The following NARS2 variants were observed in gnomAD, a reference collection of about 807,000 sequenced individuals.
NARS2 encodes the protein asparaginyl-tRNA synthetase 2, mitochondrial.
NARS2 carries 60 observed loss-of-function variants against 62.9 expected under a neutral mutation model. The observed-to-expected ratio is 0.95, with a 90% CI of 0.77 to 1.18. The LOEUF is 1.18. NARS2 is among the 50% of genes most tolerant of loss of function. NARS2 has a pLI of 0.00. For synonymous variants in NARS2, 196 were observed against 200.0 expected, an observed-to-expected ratio of 0.98 and a Z score of 0.17; for missense variants, 619 against 576.4, an observed-to-expected ratio of 1.07 and a Z score of -0.76.
chr11:78,485,148 C>T (rs747626890), intron 7 of NARS2, among the ~76,000 whole-genome samples: 7 of 152,194 alleles, frequency 4.6e-5, no homozygotes, highest in Non-Finnish European at 1.0e-4. Context: ...GAAAACCAAA[C>T]ACTGCGTGTT....
intron 11 of NARS2, among the ~76,000 whole-genome samples, chr11:78,446,184 C>G (rs1857754030): frequency 6.6e-6 from 1 of 152,194 alleles, no homozygotes; most frequent in Non-Finnish European, 1.5e-5. Context: ...AAGCCATCCC[C>G]TTCCCAGTTT....
At chr11:78,548,142 G>A (rs781081425) in intron 5 of NARS2, among the ~76,000 whole-genome samples, 1 of 152,172 alleles carries the variant, frequency 6.6e-6, no homozygotes, top group Non-Finnish European at 1.5e-5. Flanking sequence ...TTGAGCCCAG[G>A]AGTTGGACGT....
At chr11:78,504,608 A>G (rs1860419146) in intron 6 of NARS2, among the ~76,000 whole-genome samples, 1 of 152,062 alleles carries the variant, frequency 6.6e-6, no homozygotes, top group Admixed American at 6.5e-5. Flanking sequence ...TTTATTGGCA[A>G]TTTTTTCTAA....
At chr11:78,517,703 C>G (rs1038543914) in intron 6 of NARS2, among the ~76,000 whole-genome samples, 4 of 152,182 alleles carry the variant, frequency 2.6e-5, no homozygotes, top group African/African-American at 9.6e-5. Flanking sequence ...TCTATTTTAA[C>G]CCAGGGAAGC....
chr11:78,451,296 T>C (rs1857962368), intron 11 of NARS2, among the ~76,000 whole-genome samples: 1 of 152,222 alleles, frequency 6.6e-6, no homozygotes, highest in Admixed American at 6.5e-5. Context: ...AAATTCCAGG[T>C]AGAATTCTTC....
chr11:78,574,501 C>G lies in NARS2; in HGVS notation c.-13G>C. ...GGACCCCCAGCATCCCGCGTCCGCC[C>G]AGGCCCTCCGCGGGAGCAGCCCAGA... On this transcript the variant is annotated 5_prime_UTR_variant, in exon 1 of 14. Coordinates refer to ENST00000281038, the MANE Select transcript of NARS2 (RefSeq NM_024678.6). The G allele has an allele frequency of 6.2e-7, 1 of 1,602,826 alleles. No homozygotes were observed.
intron 5 of NARS2, among the ~76,000 whole-genome samples, chr11:78,529,761 A>G (rs982479948): frequency 6.6e-6 from 1 of 152,214 alleles, no homozygotes. Flanking sequence ...TCTGGGATCA[A>G]GAAATCCTCC....
At chr11:78,534,865 C>T (rs1223287966) in intron 5 of NARS2, among the ~76,000 whole-genome samples, 1 of 152,162 alleles carries the variant, frequency 6.6e-6, no homozygotes, top group African/African-American at 2.4e-5. Context: ...TGGAAAAAAA[C>T]CTCCATTTGT....
intron 9 of NARS2, among the ~76,000 whole-genome samples, chr11:78,471,689 C>T (rs1205324584): frequency 2.9e-4 from 35 of 121,156 alleles, no homozygotes; most frequent in African/African-American, 1.0e-3. Context: ...CCCCCCTCCC[C>T]CCACCCCACC....
intron 5 of NARS2, among the ~76,000 whole-genome samples, chr11:78,547,725 T>C (rs539764160): frequency 6.6e-6 from 1 of 152,346 alleles, no homozygotes; most frequent in East Asian, 1.9e-4. Flanking sequence ...CATCATTATG[T>C]TATTTATGAA....
chr11:78,509,051 GT>G (rs1860614982), intron 6 of NARS2, among the ~76,000 whole-genome samples: 1 of 151,252 alleles, frequency 6.6e-6, no homozygotes, highest in African/African-American at 2.4e-5. Flanking sequence ...GGAGGTGGAG[GT>G]TGCAGTGAGC....
chr11:78,473,673 A>G (rs1468599175), intron 9 of NARS2, among the ~76,000 whole-genome samples: 3 of 152,268 alleles, frequency 2.0e-5, no homozygotes, highest in African/African-American at 4.8e-5. Flanking sequence ...CAAATTCTCA[A>G]TGAAGACTAT....
At chr11:78,470,720 A>G (rs1858833568) in intron 9 of NARS2, among the ~76,000 whole-genome samples, 1 of 152,156 alleles carries the variant, frequency 6.6e-6, no homozygotes, top group South Asian at 2.1e-4. Context: ...GATTTTTCAC[A>G]TGCAAAAGTG....
At chr11:78,526,855 G>A (rs780148419) in intron 6 of NARS2, among the ~76,000 whole-genome samples, 14 of 152,080 alleles carry the variant, frequency 9.2e-5, no homozygotes, top group Admixed American at 2.0e-4. Flanking sequence ...AATACTAAAA[G>A]GCTGTTAAGA....
At chr11:78,450,427 A>G (rs987597999) in intron 11 of NARS2, among the ~76,000 whole-genome samples, 10 of 152,144 alleles carry the variant, frequency 6.6e-5, no homozygotes, top group African/African-American at 2.4e-4. Flanking sequence ...GGAGGAACAC[A>G]TATCATCTTT....
intron 10 of NARS2, among the ~76,000 whole-genome samples, chr11:78,468,034 G>C (rs1397223376): frequency 2.3e-5 from 3 of 127,726 alleles, no homozygotes; most frequent in Non-Finnish European, 3.2e-5. Flanking sequence ...TATCAAGTAA[G>C]TATTGAAAAA....
chr11:78,526,370 T>C (rs1861293969), intron 6 of NARS2, among the ~76,000 whole-genome samples: 1 of 152,164 alleles, frequency 6.6e-6, no homozygotes, highest in Admixed American at 6.5e-5. Flanking sequence ...TTAACTACCA[T>C]TTTCTCCATT....
At chr11:78,514,323 T>C (rs1001914512) in intron 6 of NARS2, among the ~76,000 whole-genome samples, 2 of 152,136 alleles carry the variant, frequency 1.3e-5, no homozygotes, top group Non-Finnish European at 2.9e-5. Context: ...GGTTTTGCCA[T>C]GTTGCCCAGG....
chr11:78,542,938 C>A (rs1855683865), intron 5 of NARS2, among the ~76,000 whole-genome samples: 1 of 152,206 alleles, frequency 6.6e-6, no homozygotes, highest in Non-Finnish European at 1.5e-5. Context: ...TACTTTCTTG[C>A]AGTTGCTGCA....
Sources: gnomAD v4.1 joint callset for allele counts (sites outside exome capture counted in the v4.1 genomes callset) on GRCh38, gnomAD v4.1.1 for gene constraint, MANE v1.5 for transcripts, NCBI Gene and HGNC (gene_info 2026-07-23, HGNC 2026-07-21) for gene names.